ZNF292: variants seen among roughly 807,000 people sequenced by gnomAD.
ZNF292 encodes zinc finger protein 292.
Under a neutral mutation model 217.9 loss-of-function variants are expected in ZNF292, and 26 were observed. The observed-to-expected ratio is 0.12, with a 90% CI of 0.09 to 0.17. The LOEUF is 0.17. Among genes scored for constraint, ZNF292 ranks in the 10% least tolerant of loss-of-function variants. ZNF292 has a pLI of 1.00. For missense variants in ZNF292, 2,904 were observed against 3,175.2 expected (o/e 0.91, Z 2.05); for synonymous variants, 1,257 against 1,124.1 (o/e 1.12, Z -2.37).
intron 1 of ZNF292, among the ~76,000 whole-genome samples, chr6:87,161,916 A>G (rs975020452): frequency 1.3e-5 from 2 of 152,208 alleles, no homozygotes; most frequent in African/African-American, 4.8e-5. Context: ...TAAGAAAATA[A>G]AGATAACTAC....
rs1054818659 is a variant in ZNF292 at position 87,247,944 on chromosome 6, A to C, written c.1020+2300A>C. 5.3e-5 allele frequency among the ~76,000 whole-genome samples: 8 copies of C among 152,372 alleles called. No individual in the cohort carries two copies. In the East Asian group the frequency reaches 1.5e-3, roughly 29 times the overall value. ...AGCAGATGGATTATACAGATTAGAC[A>C]CAACTGAAGAGGGAGTTAATGAACA... is the stretch of plus-strand genomic sequence containing the variant. On this transcript the variant is annotated intron_variant, in intron 7 of 7. Coordinates refer to ENST00000369577, the MANE Select transcript of ZNF292 (RefSeq NM_015021.3).
At chr6:87,239,445 CCCCCA>C (rs1774101438) in intron 5 of ZNF292, among the ~76,000 whole-genome samples, 1 of 146,688 alleles carries the variant, frequency 6.8e-6, no homozygotes, top group Admixed American at 6.7e-5. Flanking sequence ...CGGGGGCTGC[CCCCCA>C]CCTACCTCCC....
chr6:87,168,992 G>T (rs59753049), intron 1 of ZNF292, among the ~76,000 whole-genome samples: 1,680 of 151,514 alleles, frequency 0.011, 36 homozygotes, highest in African/African-American at 0.037. Context: ...TACGGTTTTG[G>T]TTTTTTGTTT....
chr6:87,189,709 A>G (rs1383971217), intron 1 of ZNF292, among the ~76,000 whole-genome samples: 1 of 151,976 alleles, frequency 6.6e-6, no homozygotes, highest in Non-Finnish European at 1.5e-5. Flanking sequence ...TCTCAACATG[A>G]CTTAGCACAG....
chr6:87,174,454 G>GT (rs1771215160), intron 1 of ZNF292, among the ~76,000 whole-genome samples: 1 of 152,208 alleles, frequency 6.6e-6, no homozygotes, highest in Admixed American at 6.5e-5. Context: ...CTGCAGAACA[G>GT]TTTGACAAGT....
intron 1 of ZNF292, among the ~76,000 whole-genome samples, chr6:87,198,632 CT>C (rs1276695435): frequency 6.6e-6 from 1 of 152,150 alleles, no homozygotes; most frequent in Admixed American, 6.6e-5. Flanking sequence ...ATATATTAGA[CT>C]TGGGGAAGTT....
rs190509368 is a variant in ZNF292, at chr6:87,250,679, A to G, written c.1021-3971A>G. 7.2e-5 allele frequency among the ~76,000 whole-genome samples: 11 copies of G among 152,364 alleles called. No homozygotes were observed. In the East Asian group the frequency reaches 2.1e-3, roughly 29 times the overall value. On this transcript the variant is annotated intron_variant, in intron 7 of 7. Coordinates refer to ENST00000369577, the MANE Select transcript of ZNF292 (RefSeq NM_015021.3). ...GAGCATTGTGGATTTTGGTATCCAC[A>G]GGAATCCTGGAACCAATGCCCCCAG...
chr6:87,256,942 T>C lies in ZNF292; in HGVS notation c.3313T>C (p.Cys1105Arg). Residue 1105 changes from cysteine (C) to arginine (R), a missense_variant, in exon 8 of 8, where the codon TGT (cysteine) becomes CGT (arginine). Coordinates refer to ENST00000369577, the MANE Select transcript of ZNF292 (RefSeq NM_015021.3). ...GAAATTCAGCTGCCAGGTCGAGGGATGTACTCGAACCTATAATTCTTCACA... is the reference window on the plus strand; with the variant it reads ...GAAATTCAGCTGCCAGGTCGAGGGACGTACTCGAACCTATAATTCTTCACA... ...VQKFSCQVEG[C>R]TRTYNSSQSI... is the part of the protein sequence containing the mutation. 1 of 1,613,840 alleles carries C rather than the reference T, an allele frequency of 6.2e-7. No homozygotes were observed. The highest frequency in any genetic ancestry group is 8.5e-7 in the Non-Finnish European group (1 of 1,179,838).
intron 1 of ZNF292, among the ~76,000 whole-genome samples, chr6:87,177,410 A>G (rs1037960331): frequency 6.6e-6 from 1 of 151,838 alleles, no homozygotes; most frequent in African/African-American, 2.4e-5. Flanking sequence ...AAGTTTTGTC[A>G]ATTTTATTCC....
In ZNF292 at chr6:87,260,747, A is replaced by G; in HGVS notation, c.7118A>G (p.Asp2373Gly). 1 of 1,613,508 alleles carries G rather than the reference A, an allele frequency of 6.2e-7. No individual in the cohort carries two copies. ...GTATATTCTATAAAGGCTAGAAATG[A>G]TGCCCTGTCTGAGTGTACAAGCAGA... ...KHVYSIKARN[D>G]ALSECTSRFV... is the part of the protein sequence containing the mutation. The change falls in exon 8 of 8, where the codon GAT becomes GGT. Residue 2373 changes from aspartate (D) to glycine (G), a missense_variant. By Grantham distance (94) the Asp-to-Gly change is moderately conservative. Coordinates refer to ENST00000369577, the MANE Select transcript of ZNF292 (RefSeq NM_015021.3).
chr6:87,218,374 T>G (rs1384229996), intron 3 of ZNF292, among the ~76,000 whole-genome samples: 5 of 152,168 alleles, frequency 3.3e-5, no homozygotes, highest in Admixed American at 1.3e-4. Flanking sequence ...AATACAGACT[T>G]ACTTCTGTAA....
chr6:87,190,501 T>C (rs1270488854), intron 1 of ZNF292, among the ~76,000 whole-genome samples: 2 of 152,096 alleles, frequency 1.3e-5, no homozygotes, highest in Non-Finnish European at 2.9e-5. Flanking sequence ...TGAGACGGAG[T>C]CTTGCTCTGT....
chr6:87,236,681 A>C (rs1391828322), intron 5 of ZNF292, among the ~76,000 whole-genome samples: 1 of 152,194 alleles, frequency 6.6e-6, no homozygotes, highest in Non-Finnish European at 1.5e-5. Flanking sequence ...AATTATTATT[A>C]AGATTAAAAT....
chr6:87,198,330 G>A (rs542468983), intron 1 of ZNF292, among the ~76,000 whole-genome samples: 5 of 152,058 alleles, frequency 3.3e-5, no homozygotes, highest in East Asian at 3.9e-4. Flanking sequence ...TTAGCCTCCC[G>A]AGTAGCTGGG....
intron 4 of ZNF292, among the ~76,000 whole-genome samples, chr6:87,225,347 A>T (rs1164581814): frequency 6.6e-6 from 1 of 152,108 alleles, no homozygotes; most frequent in Non-Finnish European, 1.5e-5. Flanking sequence ...CTTAAGAGCA[A>T]CTTAGCAGAA....
intron 4 of ZNF292, among the ~76,000 whole-genome samples, chr6:87,229,169 T>G: frequency 6.6e-6 from 1 of 152,208 alleles, no homozygotes; most frequent in East Asian, 1.9e-4. Flanking sequence ...TTGTTTTTGT[T>G]GCAATTGTAA....
rs554384428 is a variant in ZNF292, at chr6:87,155,638, G to C, written c.47G>C (p.Gly16Ala). The C allele has an allele frequency of 6.9e-6, 11 of 1,582,920 alleles. No individual in the cohort carries two copies. The Admixed American group carries it at 1.6e-4, about 24-fold the overall frequency. Reference protein sequence around the residue: ...AEQERLSCGEGGCVAELQRLG... With the variant: ...AEQERLSCGEAGCVAELQRLG... ...CAGGAGAGGTTGAGTTGCGGCGAAGGCGGCTGCGTCGCGGAGCTGCAGCGC... is the reference window on the plus strand; with the variant it reads ...CAGGAGAGGTTGAGTTGCGGCGAAGCCGGCTGCGTCGCGGAGCTGCAGCGC... Residue 16 changes from glycine (G) to alanine (A), a missense_variant, in exon 1 of 8, where the codon GGC becomes GCC. Gly to Ala is a moderately conservative substitution (Grantham distance 60). This residue lies in a region of ZNF292 where 66 missense variants were observed against 44.1 expected (regional missense o/e 1.50). Coordinates refer to ENST00000369577, the MANE Select transcript of ZNF292 (RefSeq NM_015021.3).
chr6:87,259,049 C>A lies in ZNF292; in HGVS notation c.5420C>A (p.Pro1807His). The A allele has an allele frequency of 6.2e-7, 1 of 1,613,416 alleles. No individual in the cohort carries two copies. Among genetic ancestry groups the A allele is most frequent in the Non-Finnish European group, 8.5e-7 (1 of 1,179,654 alleles). The change falls in exon 8 of 8, where the codon CCC becomes CAC. Residue 1807 changes from proline (P) to histidine (H), a missense_variant. Physicochemically the swap from Pro to His is moderately conservative, Grantham distance 77 (BLOSUM62 -2). Transcript: ENST00000369577. ...AACACTGTGCAAAATAACAAATTAC[C>A]CGATTCTTCTCCGTTTTCCTCCTTT... The part of the protein sequence containing the change: ...SVNTVQNNKL[P>H]DSSPFSSFIS...
rs769457820 is a variant in ZNF292, at chr6:87,261,334, G to A, written c.7705G>A (p.Val2569Ile). The A allele has an allele frequency of 6.2e-7, 1 of 1,613,464 alleles. No homozygotes were observed. The highest frequency in any genetic ancestry group is 2.2e-5 in the East Asian group (1 of 44,864). ...SSVRKEEETA[V>I]AIQTIEEHPA... Reference sequence around the variant, plus strand: ...CGTGCGTAAAGAAGAAGAAACTGCTGTTGCCATTCAAACCATTGAGGAGCA... The same window carrying A: ...CGTGCGTAAAGAAGAAGAAACTGCTATTGCCATTCAAACCATTGAGGAGCA... The change falls in exon 8 of 8, where the codon GTT becomes ATT. Residue 2569 changes from valine (V) to isoleucine (I), a missense_variant. This residue lies in a region of ZNF292 where 380 missense variants were observed against 355.3 expected (regional missense o/e 1.07). Coordinates refer to ENST00000369577, the MANE Select transcript of ZNF292 (RefSeq NM_015021.3).
Sources: allele counts gnomAD v4.1 joint callset (sites outside exome capture counted in the v4.1 genomes callset), GRCh38; gene constraint gnomAD v4.1.1; regional missense constraint gnomAD v4.1.1; transcripts MANE v1.5; gene names NCBI Gene and HGNC (gene_info 2026-07-23, HGNC 2026-07-21).